Variants in SPP1 observed in about 807,000 individuals in gnomAD.
SPP1 encodes the protein secreted phosphoprotein 1.
Under a neutral mutation model 20.8 loss-of-function variants are expected in SPP1, and 18 were observed. That is an observed-to-expected ratio of 0.87 (90% CI 0.60 to 1.29). SPP1 has a LOEUF of 1.29. SPP1 is among the 50% of genes most tolerant of loss of function. The probability of loss-of-function intolerance (pLI) is 0.00; values close to 1 mark genes in which losing one functional copy is unlikely to be tolerated. For synonymous variants in SPP1, 146 were observed against 141.5 expected (o/e 1.03, Z -0.23); for missense variants, 363 against 389.0 (o/e 0.93, Z 0.56).
rs6812524 is a variant in SPP1, at chr4:87,981,573, G to C, written c.315G>C (p.Ser105=). 4 of 1,613,580 alleles carry C rather than the reference G, an allele frequency of 2.5e-6. No homozygotes were observed. In the East Asian group the frequency reaches 8.9e-5, roughly 36 times the overall value. ...DHVDSQDSID[S]NDSDDVDDTD... ...TGGACAGCCAGGACTCCATTGACTCGAACGACTCTGATGATGTAGATGACA... is the reference window on the plus strand; with the variant it reads ...TGGACAGCCAGGACTCCATTGACTCCAACGACTCTGATGATGTAGATGACA... The change falls in exon 6 of 7, where the codon TCG becomes TCC. Residue 105 remains serine (S), a synonymous_variant. Coordinates refer to ENST00000395080, the MANE Select transcript of SPP1 (RefSeq NM_001040058.2).
At chr4:87,978,855 A>AC (rs1578101615) in intron 3 of SPP1, among the ~76,000 whole-genome samples, 2 of 151,998 alleles carry the variant, frequency 1.3e-5, no homozygotes, top group Non-Finnish European at 2.9e-5. Flanking sequence ...ACTCTGTGCA[A>AC]CCCCCAGAGT....
chr4:87,976,125 G>A (rs1725368700), intron 1 of SPP1, among the ~76,000 whole-genome samples: 1 of 151,810 alleles, frequency 6.6e-6, no homozygotes, highest in Admixed American at 6.5e-5. Context: ...TGACTGTGCA[G>A]GAATTTAAAA....
At chr4:87,980,781 A>G (rs984835368) in intron 5 of SPP1, 3 of 222,330 alleles carry the variant, frequency 1.3e-5, no homozygotes, top group Non-Finnish European at 1.7e-5. Context: ...TCCTAATAAA[A>G]TAGTTTATTT....
chr4:87,981,037 G>A (rs1725618503), intron 5 of SPP1, among the ~76,000 whole-genome samples: 1 of 152,042 alleles, frequency 6.6e-6, no homozygotes, highest in South Asian at 2.1e-4. Context: ...ATAGGAAAGT[G>A]GTTATAGATT....
chr4:87,981,541 G>A lies in SPP1; in HGVS notation c.283G>A (p.Asp95Asn), dbSNP rs145657424. ...TGATATGGATGATGAAGATGATGATGACCATGTGGACAGCCAGGACTCCAT... is the reference window on the plus strand; with the variant it reads ...TGATATGGATGATGAAGATGATGATAACCATGTGGACAGCCAGGACTCCAT... ...MDDMDDEDDD[D>N]HVDSQDSIDS... The change falls in exon 6 of 7, where the codon GAC becomes AAC. Residue 95 changes from aspartate (D) to asparagine (N), a missense_variant. Transcript: ENST00000395080. The A allele has an allele frequency of 3.7e-6, 6 of 1,613,960 alleles. No individual in the cohort carries two copies. Among genetic ancestry groups the A allele is most frequent in the Admixed American group, 1.7e-5 (1 of 60,006 alleles).
In SPP1 at chr4:87,981,695, T is replaced by C. The variant is rs1382108024; in HGVS notation, c.437T>C (p.Phe146Ser). The change falls in exon 6 of 7, where the codon TTC (phenylalanine) becomes TCC (serine). Residue 146 changes from phenylalanine to serine, a missense_variant. Transcript: ENST00000395080. ...FPTDLPATEV[F>S]TPVVPTVDTY... ...ACGGACCTGCCAGCAACCGAAGTTT[T>C]CACTCCAGTTGTCCCCACAGTAGAC... is the stretch of plus-strand genomic sequence containing the variant. The C allele has an allele frequency of 1.2e-6, 2 of 1,614,100 alleles. No homozygotes were observed. The highest frequency in any genetic ancestry group is 1.7e-6 in the Non-Finnish European group (2 of 1,180,046).
intron 3 of SPP1, among the ~76,000 whole-genome samples, chr4:87,979,209 G>A (rs1181049566): frequency 7.3e-6 from 1 of 136,828 alleles, no homozygotes; most frequent in Non-Finnish European, 1.5e-5. Flanking sequence ...CTGTCACCCA[G>A]GCTGGAGTGC....
intron 4 of SPP1, 96 bp from the exon 5 acceptor site, chr4:87,980,297 G>GA: frequency 1.3e-6 from 2 of 1,559,732 alleles, no homozygotes; most frequent in Non-Finnish European, 8.8e-7. Context: ...AGATGAGGCT[G>GA]AAAAATAAAA....
chr4:87,979,159 T>G (rs893001528), intron 3 of SPP1, among the ~76,000 whole-genome samples: 1 of 127,508 alleles, frequency 7.8e-6, no homozygotes, highest in Non-Finnish European at 1.6e-5. Context: ...AATTTTTATC[T>G]TCTTTTTTTT....
chr4:87,980,067 G>A lies in SPP1; in HGVS notation c.115G>A (p.Ala39Thr). 1 of 1,614,038 alleles carries A rather than the reference G, an allele frequency of 6.2e-7. No homozygotes were observed. The highest frequency in any genetic ancestry group is 8.5e-7 in the Non-Finnish European group (1 of 1,180,018). The part of the protein sequence containing the change: ...EKQLYNKYPD[A>T]VATWLNPDPS... ...GTAGCTTTACAACAAATACCCAGAT[G>A]CTGTGGCCACATGGCTAAACCCTGA... Residue 39 changes from alanine (A) to threonine (T), a missense_variant, in exon 4 of 7, where the codon GCT (alanine) becomes ACT (threonine). By Grantham distance (58) the Ala-to-Thr change is moderately conservative. Coordinates refer to ENST00000395080, the MANE Select transcript of SPP1 (RefSeq NM_001040058.2).
In SPP1 at chr4:87,982,776, C is replaced by A; in HGVS notation, c.825C>A (p.Ser275Arg). The change falls in exon 7 of 7, where the codon AGC becomes AGA. Residue 275 changes from serine (S) to arginine (R), a missense_variant. By Grantham distance (110) the Ser-to-Arg change is moderately radical. Coordinates refer to ENST00000395080, the MANE Select transcript of SPP1 (RefSeq NM_001040058.2). ...CCAAAGTCAGCCGTGAATTCCACAG[C>A]CATGAATTTCACAGCCATGAAGATA... ...ELSKVSREFH[S>R]HEFHSHEDML... is the part of the protein sequence containing the mutation. The A allele has an allele frequency of 6.2e-7, 1 of 1,614,132 alleles. No homozygotes were observed. The highest frequency in any genetic ancestry group is 1.1e-5 in the South Asian group (1 of 91,074).
chr4:87,981,687 C>G lies in SPP1; in HGVS notation c.429C>G (p.Thr143=). Residue 143 remains threonine, a synonymous_variant, in exon 6 of 7, where the codon ACC becomes ACG. Coordinates refer to ENST00000395080, the MANE Select transcript of SPP1 (RefSeq NM_001040058.2). ...ATTTTCCCACGGACCTGCCAGCAAC[C>G]GAAGTTTTCACTCCAGTTGTCCCCA... ...VTDFPTDLPA[T]EVFTPVVPTV... 1 of 1,614,140 alleles carries G rather than the reference C, an allele frequency of 6.2e-7. No individual in the cohort carries two copies. Among genetic ancestry groups the G allele is most frequent in the South Asian group, 1.1e-5 (1 of 91,078 alleles).
At position 87,976,307 on chromosome 4, in the gene SPP1, G is replaced by C. The variant is rs564371081; in HGVS notation, c.-15+507G>C. On this transcript the variant is annotated intron_variant, in intron 1 of 6. Transcript: ENST00000395080. ...CTGTGTAGGCTTATTATTACAAATAGAAAAGCTGTTGGCTATTTTCAATGT... is the reference window on the plus strand; with the variant it reads ...CTGTGTAGGCTTATTATTACAAATACAAAAGCTGTTGGCTATTTTCAATGT... Among the ~76,000 whole-genome samples the C allele has an allele frequency of 4.9e-4, 74 of 152,276 alleles. 1 individual carries two copies. The South Asian group carries it at 0.014, about 28-fold the overall frequency.
At chr4:87,975,952 T>A (rs947976770) in intron 1 of SPP1, among the ~76,000 whole-genome samples, 152 bp downstream of exon 1, 2 of 132,832 alleles carry the variant, frequency 1.5e-5, no homozygotes, top group African/African-American at 3.0e-5. Flanking sequence ...ATTGCAGGTC[T>A]CCTGGAACAA....
intron 1 of SPP1, 85 bp from the exon 2 acceptor site, chr4:87,976,797 A>T (rs1725394515): frequency 1.2e-6 from 1 of 836,726 alleles, no homozygotes; most frequent in Non-Finnish European, 1.9e-6. Context: ...TTTATTTGTG[A>T]TCATTTTGTA....
rs561790208 is a variant in SPP1 at position 87,977,803 on chromosome 4, C to T, written c.93+706C>T. On this transcript the variant is annotated intron_variant, in intron 3 of 6. Coordinates refer to ENST00000395080, the MANE Select transcript of SPP1 (RefSeq NM_001040058.2). ...CAGAATAAAGGCCAAAATAGAGCTG[C>T]CTTGGGGGTCACTGCAATTAGACTG... is the stretch of plus-strand genomic sequence containing the variant. 7.8e-6 allele frequency: 10 copies of T among 1,282,154 alleles called. No individual in the cohort carries two copies. The East Asian group carries it at 5.1e-4, about 65-fold the overall frequency. 79.4% of individuals were successfully genotyped at this position (1,282,154 alleles called of 1,614,324 possible). A position where few individuals can be genotyped will look rare whatever the true frequency, so the allele number is the denominator to read the frequency against.
chr4:87,982,588 G>A lies in SPP1; in HGVS notation c.637G>A (p.Ala213Thr), dbSNP rs746808333. ...CATCCCCGTTGCCCAGGACCTGAAC[G>A]CGCCTTCTGATTGGGACAGCCGTGG... ...KAIPVAQDLN[A>T]PSDWDSRGKD... Residue 213 changes from alanine (A) to threonine (T), a missense_variant, in exon 7 of 7, where the codon GCG (alanine) becomes ACG (threonine). By Grantham distance (58) the Ala-to-Thr change is moderately conservative. Transcript: ENST00000395080. 8.1e-6 allele frequency: 13 copies of A among 1,614,012 alleles called. No individual in the cohort carries two copies. The highest frequency in any genetic ancestry group is 5.5e-5 in the South Asian group (5 of 91,076).
intron 1 of SPP1, among the ~76,000 whole-genome samples, chr4:87,976,118 C>T (rs1029942191): frequency 6.6e-6 from 1 of 152,074 alleles, no homozygotes; most frequent in African/African-American, 2.4e-5. Flanking sequence ...CAGTGGGTGA[C>T]TGTGCAGGAA....
chr4:87,977,757 C>CAG (rs1453391718), intron 3 of SPP1: 1 of 1,285,782 alleles, frequency 7.8e-7, no homozygotes, highest in Non-Finnish European at 1.0e-6. Context: ...AAAAGGCACA[C>CAG]AGAGTTCAAT....
Sources: gnomAD v4.1 joint callset for allele counts (sites outside exome capture counted in the v4.1 genomes callset) on GRCh38, gnomAD v4.1.1 for gene constraint, MANE v1.5 for transcripts, NCBI Gene and HGNC (gene_info 2026-07-23, HGNC 2026-07-21) for gene names.